The following ARAP2 variants were observed in gnomAD, a reference collection of about 807,000 sequenced individuals.
The protein encoded by ARAP2 is arf-GAP with Rho-GAP domain, ANK repeat and PH domain-containing protein 2.
A neutral mutation model predicts 194.5 loss-of-function variants in ARAP2; 148 were observed. That is an observed-to-expected ratio of 0.76 (90% CI 0.67 to 0.87). The LOEUF (loss-of-function observed/expected upper bound fraction) is 0.87, where lower values mean the gene tolerates loss of function less well. ARAP2 is among the 40% of genes least tolerant of loss of function. The probability of loss-of-function intolerance (pLI) is 0.00; values close to 1 mark genes in which losing one functional copy is unlikely to be tolerated. For missense variants in ARAP2, 2,128 were observed against 1,989.7 expected (o/e 1.07, Z -1.32); for synonymous variants, 695 against 683.5 (o/e 1.02, Z -0.26).
intron 27 of ARAP2, among the ~76,000 whole-genome samples, chr4:36,104,898 T>C (rs1717966350): frequency 6.6e-6 from 1 of 152,048 alleles, no homozygotes; most frequent in Non-Finnish European, 1.5e-5. Flanking sequence ...TCACTATTTT[T>C]TTCATGCAAA....
At chr4:36,214,567 G>T in intron 2 of ARAP2, 87 bp from the exon 3 acceptor site, 1 of 821,002 alleles carries the variant, frequency 1.2e-6, no homozygotes, top group South Asian at 2.4e-5. Context: ...AATATTATGA[G>T]AAAATATTTA....
intron 8 of ARAP2, among the ~76,000 whole-genome samples, chr4:36,186,968 T>C (rs1740699937): frequency 6.6e-6 from 1 of 152,162 alleles, no homozygotes; most frequent in African/African-American, 2.4e-5. Context: ...GCTTCAGTCA[T>C]CCAGGAACCA....
chr4:36,103,598 T>G (rs1026196505), intron 27 of ARAP2, among the ~76,000 whole-genome samples: 4 of 151,804 alleles, frequency 2.6e-5, no homozygotes, highest in African/African-American at 9.7e-5. Context: ...GACTATTACC[T>G]TTGTTTTCAA....
At chr4:36,243,174 G>C (rs1373162313) in intron 1 of ARAP2, among the ~76,000 whole-genome samples, 1 of 151,412 alleles carries the variant, frequency 6.6e-6, no homozygotes, top group Non-Finnish European at 1.5e-5. Context: ...AATTACTTAC[G>C]GGCAAAGTTC....
chr4:36,136,816 T>TGCGC (rs1553916079), intron 19 of ARAP2, among the ~76,000 whole-genome samples: 8 of 145,170 alleles, frequency 5.5e-5, no homozygotes, highest in South Asian at 2.2e-4. Flanking sequence ...TGTGTGTGTG[T>TGCGC]GTGCGTGTCT....
chr4:36,050,759 CT>C (rs1265846997), intron 3 of ARAP2, among the ~76,000 whole-genome samples: 2 of 152,288 alleles, frequency 1.3e-5, no homozygotes, highest in African/African-American at 4.8e-5. Context: ...CCACAAAGTA[CT>C]TGTTTGTTCA....
intron 5 of ARAP2, chr4:36,045,978 C>T (rs1721774244): frequency 6.6e-6 from 1 of 152,134 alleles, no homozygotes; most frequent in Non-Finnish European, 1.5e-5. Context: ...GAGAAACTTA[C>T]CCATTTCCAT....
At position 36,151,011 on chromosome 4, in the gene ARAP2, C is replaced by T. The variant is rs568893610; in HGVS notation, c.2786G>A (p.Gly929Asp). ...TNKKWCVLEG[G>D]FLSYYENDKS... Reference sequence around the variant, plus strand: ...ATCATTTTCATAGTAACTCAAGAAGCCTCCTTCCAAAACACACCATTTTTT... The same window carrying T: ...ATCATTTTCATAGTAACTCAAGAAGTCTCCTTCCAAAACACACCATTTTTT... Residue 929 changes from glycine (G) to aspartate (D), a missense_variant, in exon 16 of 33, where the codon GGC becomes GAC. Coordinates refer to ENST00000303965, the MANE Select transcript of ARAP2 (RefSeq NM_015230.4). 8.1e-6 allele frequency: 13 copies of T among 1,609,716 alleles called. No homozygotes were observed. In the South Asian group the frequency reaches 1.3e-4, roughly 17 times the overall value.
intron 6 of ARAP2, among the ~76,000 whole-genome samples, chr4:36,209,076 C>T (rs1253858554): frequency 1.3e-5 from 2 of 152,096 alleles, no homozygotes; most frequent in East Asian, 3.9e-4. Context: ...CAAGATCTCA[C>T]CTGGGACGCA....
At chr4:36,038,015 G>C (rs1383551087) in intron 5 of ARAP2, among the ~76,000 whole-genome samples, 1 of 152,122 alleles carries the variant, frequency 6.6e-6, no homozygotes, top group Non-Finnish European at 1.5e-5. Context: ...TGTGCTTTTT[G>C]TGTCTTCTCC....
intron 15 of ARAP2, among the ~76,000 whole-genome samples, chr4:36,152,292 T>C (rs1731174416): frequency 1.3e-5 from 2 of 152,152 alleles, no homozygotes; most frequent in Admixed American, 1.3e-4. Flanking sequence ...TCCAGGGCCC[T>C]CAAATCTTGA....
At chr4:36,028,545 C>T (rs569339532) in intron 5 of ARAP2, among the ~76,000 whole-genome samples, 1 of 151,336 alleles carries the variant, frequency 6.6e-6, no homozygotes, top group Admixed American at 6.6e-5. Context: ...TTTTCCTATT[C>T]GATTTGTAAA....
Position 36,010,196 on chromosome 4 carries a change from C to T in ARAP2, n.1325+2367G>A, listed in dbSNP as rs186028804. 1.5e-3 allele frequency among the ~76,000 whole-genome samples: 225 copies of T among 150,510 alleles called. 2 individuals carry two copies. Among genetic ancestry groups the T allele is most frequent in the Non-Finnish European group, 2.5e-3 (167 of 67,692 alleles). On this transcript the variant is annotated intron_variant and non_coding_transcript_variant, in intron 9 of 12. Transcript: ENST00000503225. ...TAAATATTATATGTTATATAACATG[C>T]TATATATTGTATTTTATATATTGTA...
intron 11 of ARAP2, 140 bp downstream of exon 11, chr4:36,164,774 G>T (rs2109797179): frequency 1.2e-6 from 1 of 827,290 alleles, no homozygotes; most frequent in Non-Finnish European, 1.8e-6. Flanking sequence ...TCATATTTCT[G>T]AATTTGATTT....
At chr4:36,214,015 A>G (rs1318590776) in intron 3 of ARAP2, among the ~76,000 whole-genome samples, 1 of 152,168 alleles carries the variant, frequency 6.6e-6, no homozygotes, top group African/African-American at 2.4e-5. Context: ...TTCAAAATGA[A>G]AGAAAAGCCT....
intron 2 of ARAP2, chr4:36,057,880 C>T (rs1723777522): frequency 6.7e-6 from 1 of 149,532 alleles, no homozygotes; most frequent in African/African-American, 2.5e-5. Flanking sequence ...GTCAAAGGGT[C>T]AATTGTCTTG....
Position 36,124,901 on chromosome 4 carries a change from T to C in ARAP2, c.3707A>G (p.Asn1236Ser), listed in dbSNP as rs1723514328. The C allele has an allele frequency of 2.5e-6, 4 of 1,611,340 alleles. No homozygotes were observed. In the East Asian group the frequency reaches 6.7e-5, roughly 27 times the overall value. The change falls in exon 22 of 33, where the codon AAC (asparagine) becomes AGC (serine). Residue 1236 changes from asparagine to serine, a missense_variant. Physicochemically the swap from Asn to Ser is conservative, Grantham distance 46. Coordinates refer to ENST00000303965, the MANE Select transcript of ARAP2 (RefSeq NM_015230.4). ...GAFIRSLPGV[N>S]RATLAAIIEH... ...AATGATAGCTGCTAGTGTTGCTCGG[T>C]TGACCCCTGGAAGAGAACGTATAAA...
chr4:36,089,825 A>G (rs757409628), intron 28 of ARAP2, among the ~76,000 whole-genome samples: 19 of 152,128 alleles, frequency 1.2e-4, no homozygotes, highest in East Asian at 1.9e-4. Context: ...TACTCCTGAT[A>G]TAAGTCTTTT....
At chr4:36,166,001 G>A (rs535935801) in intron 10 of ARAP2, among the ~76,000 whole-genome samples, 15 of 152,084 alleles carry the variant, frequency 9.9e-5, no homozygotes, top group African/African-American at 2.9e-4. Flanking sequence ...AGTGGTTTCT[G>A]GTTCTACTAG....
Sources: gnomAD v4.1 joint callset for allele counts (sites outside exome capture counted in the v4.1 genomes callset) on GRCh38, gnomAD v4.1.1 for gene constraint, MANE v1.5 for transcripts, NCBI Gene and HGNC (gene_info 2026-07-23, HGNC 2026-07-21) for gene names.